The following ZNF469 variants were observed in gnomAD, a reference collection of about 807,000 sequenced individuals.
ZNF469 encodes zinc finger protein 469.
In ZNF469, 1 loss-of-function variant was observed where a neutral mutation model predicts 1.0. The ratio of observed to expected loss-of-function variants is 1.00; its 90% CI spans 0.35 to 4.73. ZNF469 has a LOEUF of 4.73. Among genes scored for constraint, ZNF469 ranks in the 30% most tolerant of loss-of-function variants. The probability of loss-of-function intolerance (pLI) is 0.16; values close to 1 mark genes in which losing one functional copy is unlikely to be tolerated. For synonymous variants in ZNF469, 2,703 were observed against 2,363.4 expected (o/e 1.14, Z -4.17); for missense variants, 6,100 against 5,356.3 (o/e 1.14, Z -4.33).
the ZNF469 span, among the ~76,000 whole-genome samples, chr16:88,323,708 G>A: frequency 6.6e-6 from 1 of 152,166 alleles, no homozygotes; most frequent in Non-Finnish European, 1.5e-5. Flanking sequence ...TGGGCAGGGG[G>A]ACTCCCACAC....
the ZNF469 span, among the ~76,000 whole-genome samples, chr16:88,242,870 G>A: frequency 6.6e-6 from 1 of 152,242 alleles, no homozygotes; most frequent in Non-Finnish European, 1.5e-5. Context: ...ATTCACCCCT[G>A]CCTGCCAGGG....
the ZNF469 span, among the ~76,000 whole-genome samples, chr16:88,171,778 C>A: frequency 6.6e-6 from 1 of 152,100 alleles, no homozygotes; most frequent in South Asian, 2.1e-4. Flanking sequence ...ATGACAGTGA[C>A]AGTAGAGGGT....
chr16:88,179,320 G>C, the ZNF469 span, among the ~76,000 whole-genome samples: 3 of 152,140 alleles, frequency 2.0e-5, no homozygotes, highest in Non-Finnish European at 4.4e-5. Flanking sequence ...TAGTTCCTGC[G>C]TGAGCCAGGT....
the ZNF469 span, among the ~76,000 whole-genome samples, chr16:88,371,501 G>A: frequency 6.6e-6 from 1 of 152,192 alleles, no homozygotes; most frequent in African/African-American, 2.4e-5. Context: ...GAAAACCAAA[G>A]CTCAGGGAAG....
In ZNF469 at chr16:88,432,295, C is replaced by T. The variant is rs564352128; in HGVS notation, c.4825C>T (p.Arg1609Trp). The T allele has an allele frequency of 3.9e-5, 60 of 1,547,036 alleles. No individual in the cohort carries two copies. The highest frequency in any genetic ancestry group is 6.8e-5 in the African/African-American group (5 of 73,058). Residue 1609 changes from arginine to tryptophan, a missense_variant, in exon 3 of 3, where the codon CGG becomes TGG. Arg to Trp is a moderately radical substitution (Grantham distance 101, BLOSUM62 -3). Transcript: ENST00000565624. ...CACAGGCACAGAGCCACCCTCCCAA[C>T]GGCGCACCTGCCAGGCCACCGTGCC... ...LGTGTEPPSQ[R>W]RTCQATVPHE...
rs756543273 is a variant in ZNF469, at chr16:88,437,793, CA to C, written c.10324del (p.Arg3442GlyfsTer59). On this transcript the variant is annotated frameshift_variant, in exon 3 of 3. Coordinates refer to ENST00000565624, the MANE Select transcript of ZNF469 (RefSeq NM_001367624.2). LOFTEE classifies it low-confidence loss of function (END_TRUNC). Reference protein sequence around the residue: ...QFDRHMNKHLRGGRQPFAFRG... With the variant: ...QFDRHMNKHLXGGRQPFAFRG... Reference sequence around the variant, plus strand: ...TCGACCGCCACATGAACAAGCACCTCAGGGGGGGGCGGCAGCCCTTCGCGTT... The same window carrying C: ...TCGACCGCCACATGAACAAGCACCTCGGGGGGGGCGGCAGCCCTTCGCGTT... 82 of 1,546,414 alleles carry C rather than the reference CA, an allele frequency of 5.3e-5. No homozygotes were observed. The highest frequency in any genetic ancestry group is 1.7e-4 in the Middle Eastern group (1 of 6,008).
At chr16:88,135,588 G>A in the ZNF469 span, among the ~76,000 whole-genome samples, 5 of 152,172 alleles carry the variant, frequency 3.3e-5, no homozygotes, top group South Asian at 1.0e-3. Context: ...TTGGTGAGGA[G>A]CACCCACAGC....
the ZNF469 span, among the ~76,000 whole-genome samples, chr16:88,239,284 A>C: frequency 2.6e-5 from 4 of 152,150 alleles, no homozygotes; most frequent in Admixed American, 2.6e-4. Context: ...AAAATTGAAA[A>C]GTAGTTGTTT....
the ZNF469 span, among the ~76,000 whole-genome samples, chr16:88,338,066 C>T: frequency 6.6e-6 from 1 of 152,180 alleles, no homozygotes; most frequent in African/African-American, 2.4e-5. Flanking sequence ...GTCACTTGGC[C>T]AGCGGTTCCT....
At chr16:88,262,348 G>A in the ZNF469 span, among the ~76,000 whole-genome samples, 1 of 152,232 alleles carries the variant, frequency 6.6e-6, no homozygotes, top group Non-Finnish European at 1.5e-5. This position sits in a 1 kb window ranked among gnomAD's most constrained non-coding sequence, Gnocchi z 4.3. Flanking sequence ...AGAGCCGAGG[G>A]GTGGGGCGTT....
Position 88,398,429 on chromosome 16 carries a change from C to T in ZNF469, c.-192+15175C>T, listed in dbSNP as rs933967894. On this transcript the variant is annotated intron_variant, in intron 1 of 2. Transcript: ENST00000565624. ...CACAGATGAAGGGACATGTGGGCCA[C>T]GGATGAAGGGACATGTGAGACATGG... Among the ~76,000 whole-genome samples, 27 of 143,494 alleles carry T rather than the reference C, an allele frequency of 1.9e-4. 1 individual carries two copies. Among genetic ancestry groups the T allele is most frequent in the African/African-American group, 6.9e-4 (26 of 37,698 alleles). 94.1% of individuals were successfully genotyped at this position (143,494 alleles called of 152,430 possible). A position where few individuals can be genotyped will look rare whatever the true frequency, so the allele number is the denominator to read the frequency against.
At chr16:88,390,479 G>C (rs773405641) in intron 1 of ZNF469, among the ~76,000 whole-genome samples, 1 of 152,228 alleles carries the variant, frequency 6.6e-6, no homozygotes, top group African/African-American at 2.4e-5. Context: ...CGGCCGCTCT[G>C]CCTGGGAACC....
chr16:88,363,177 G>A, the ZNF469 span, among the ~76,000 whole-genome samples: 3 of 152,062 alleles, frequency 2.0e-5, no homozygotes, highest in Non-Finnish European at 4.4e-5. Context: ...GTTGATTCTA[G>A]CCCCCAGGTC....
At chr16:88,403,144 C>T (rs921430753) in intron 1 of ZNF469, among the ~76,000 whole-genome samples, 2 of 152,124 alleles carry the variant, frequency 1.3e-5, no homozygotes, top group Middle Eastern at 3.2e-3. Context: ...AGGCCGAGTG[C>T]GGTTGGGAGC....
the ZNF469 span, among the ~76,000 whole-genome samples, chr16:88,302,180 G>C: frequency 6.6e-5 from 10 of 152,314 alleles, no homozygotes; most frequent in East Asian, 1.9e-3. Flanking sequence ...CGCCAGGGAG[G>C]ACGGAGGAGC....
At chr16:88,370,452 C>T in the ZNF469 span, among the ~76,000 whole-genome samples, 18 of 152,312 alleles carry the variant, frequency 1.2e-4, no homozygotes, top group Non-Finnish European at 2.4e-4. Context: ...TGCGTGCTCA[C>T]TGTCCCCCCA....
the ZNF469 span, among the ~76,000 whole-genome samples, chr16:88,327,043 G>A: frequency 6.6e-6 from 1 of 152,166 alleles, no homozygotes; most frequent in South Asian, 2.1e-4. Context: ...TGGGCGGAGG[G>A]TCCTGATGTC....
In ZNF469 at chr16:88,429,103, C is replaced by G. The variant is rs1185142413; in HGVS notation, c.1633C>G (p.Pro545Ala). The G allele has an allele frequency of 6.5e-7, 1 of 1,550,016 alleles. No individual in the cohort carries two copies. Among genetic ancestry groups the G allele is most frequent in the Non-Finnish European group, 8.7e-7 (1 of 1,146,880 alleles). ...CGTGAGAAGCAGCCAGGGCGGCTCCCCAGCACTGTTCACCTACAACGGAAT... is the reference window on the plus strand; with the variant it reads ...CGTGAGAAGCAGCCAGGGCGGCTCCGCAGCACTGTTCACCTACAACGGAAT... The part of the protein sequence containing the change: ...PAVRSSQGGS[P>A]ALFTYNGMTD... Residue 545 changes from proline (P) to alanine (A), a missense_variant, in exon 3 of 3, where the codon CCA becomes GCA. Coordinates refer to ENST00000565624, the MANE Select transcript of ZNF469 (RefSeq NM_001367624.2).
the ZNF469 span, among the ~76,000 whole-genome samples, chr16:88,123,169 C>T: frequency 6.6e-6 from 1 of 152,180 alleles, no homozygotes; most frequent in East Asian, 1.9e-4. Flanking sequence ...TGGAAAGGCC[C>T]TGCTCCACCC....
Sources: gnomAD v4.1 joint callset for allele counts (sites outside exome capture counted in the v4.1 genomes callset) on GRCh38, gnomAD v4.1.1 for gene constraint, Gnocchi (gnomAD v3.1) non-coding constraint, MANE v1.5 for transcripts, NCBI Gene and HGNC (gene_info 2026-07-23, HGNC 2026-07-21) for gene names.